KCNQ5: variants seen among roughly 807,000 people sequenced by gnomAD.
The protein encoded by KCNQ5 is potassium voltage-gated channel subfamily Q member 5.
A neutral mutation model predicts 98.2 loss-of-function variants in KCNQ5; 30 were observed. That is an observed-to-expected ratio of 0.31 (90% CI 0.23 to 0.41). The LOEUF is 0.41. Ranked by LOEUF, KCNQ5 falls within the 10% of genes least tolerant of loss-of-function variation. The probability of loss-of-function intolerance (pLI) is 1.00; values close to 1 mark genes in which losing one functional copy is unlikely to be tolerated. For synonymous variants in KCNQ5, 458 were observed against 449.4 expected (o/e 1.02, Z -0.24); for missense variants, 835 against 1,182.5 (o/e 0.71, Z 4.31).
chr6:72,702,207 A>C (rs10484913), intron 1 of KCNQ5, among the ~76,000 whole-genome samples: 19,726 of 152,238 alleles, frequency 0.13, 1,357 homozygotes, highest in South Asian at 0.18. Context: ...CCCTTCCAGA[A>C]TAAATTAACA....
At chr6:72,639,049 G>A (rs957200074) in intron 1 of KCNQ5, among the ~76,000 whole-genome samples, 1 of 152,296 alleles carries the variant, frequency 6.6e-6, no homozygotes, top group Non-Finnish European at 1.5e-5. Context: ...ACAAGCACAA[G>A]TAGACATGTG....
intron 1 of KCNQ5, among the ~76,000 whole-genome samples, chr6:72,789,827 C>A (rs530538909): frequency 6.6e-6 from 1 of 152,124 alleles, no homozygotes. Context: ...AAAAATAGAA[C>A]CCTATATTTG....
intron 5 of KCNQ5, among the ~76,000 whole-genome samples, chr6:73,100,874 T>C (rs1277169828): frequency 6.6e-6 from 1 of 151,976 alleles, no homozygotes; most frequent in Non-Finnish European, 1.5e-5. Flanking sequence ...TACCAATAAA[T>C]TGGAAAACCT....
At chr6:72,657,928 C>T (rs1432074491) in intron 1 of KCNQ5, among the ~76,000 whole-genome samples, 1 of 152,194 alleles carries the variant, frequency 6.6e-6, no homozygotes, top group Non-Finnish European at 1.5e-5. Context: ...GCATTGAGGC[C>T]ACATTAAGAT....
At chr6:73,067,920 T>A (rs3934400) in intron 3 of KCNQ5, among the ~76,000 whole-genome samples, 4 of 150,968 alleles carry the variant, frequency 2.6e-5, no homozygotes, top group African/African-American at 9.8e-5. Flanking sequence ...AAAATTTGTA[T>A]GGAATCTTAC....
chr6:73,177,193 C>T (rs1000798636), intron 11 of KCNQ5, among the ~76,000 whole-genome samples: 9 of 152,100 alleles, frequency 5.9e-5, no homozygotes, highest in African/African-American at 1.9e-4. Context: ...TCTGTGACTT[C>T]GGAGAAAAAT....
At chr6:72,649,604 T>A (rs2154472332) in intron 1 of KCNQ5, among the ~76,000 whole-genome samples, 1 of 152,254 alleles carries the variant, frequency 6.6e-6, no homozygotes, top group South Asian at 2.1e-4. Flanking sequence ...ATATACAGAA[T>A]CTATCTTTGC....
chr6:72,766,293 T>C (rs113433042), intron 1 of KCNQ5, among the ~76,000 whole-genome samples: 52 of 152,044 alleles, frequency 3.4e-4, no homozygotes, highest in African/African-American at 1.3e-3. Flanking sequence ...AGAGTTTAGA[T>C]CTGGAGGCCA....
intron 1 of KCNQ5, among the ~76,000 whole-genome samples, chr6:72,705,723 G>T (rs2154474840): frequency 6.6e-6 from 1 of 151,908 alleles, no homozygotes; most frequent in East Asian, 1.9e-4. Context: ...AAATTTCAAA[G>T]CAATTATCAG....
At chr6:72,898,633 G>A (rs6909225) in intron 1 of KCNQ5, among the ~76,000 whole-genome samples, 42,270 of 152,026 alleles carry the variant, frequency 0.28, 6,235 homozygotes, top group Non-Finnish European at 0.32. Flanking sequence ...TGCAATAAAC[G>A]TAAGTGTGCA....
chr6:72,969,957 G>T (rs576104348), intron 1 of KCNQ5, among the ~76,000 whole-genome samples: 1 of 152,254 alleles, frequency 6.6e-6, no homozygotes, highest in Non-Finnish European at 1.5e-5. Context: ...TAGGACAAAT[G>T]CTATCAAGAA....
At chr6:72,927,307 A>G (rs923753890) in intron 1 of KCNQ5, among the ~76,000 whole-genome samples, 2 of 152,180 alleles carry the variant, frequency 1.3e-5, no homozygotes, top group Non-Finnish European at 1.5e-5. Context: ...TTCAACTATG[A>G]CAAGCTTCAA....
chr6:73,164,973 A>G (rs1284492974), intron 10 of KCNQ5, among the ~76,000 whole-genome samples: 1 of 151,802 alleles, frequency 6.6e-6, no homozygotes, highest in Non-Finnish European at 1.5e-5. Flanking sequence ...TGAATTCTGT[A>G]CTGGGAATCT....
chr6:72,761,762 G>A (rs1772293971), intron 1 of KCNQ5, among the ~76,000 whole-genome samples: 1 of 151,996 alleles, frequency 6.6e-6, no homozygotes, highest in Non-Finnish European at 1.5e-5. Context: ...ACATCTTTAA[G>A]TAAAGATTGA....
At chr6:72,638,434 C>G (rs974918826) in intron 1 of KCNQ5, among the ~76,000 whole-genome samples, 1 of 152,084 alleles carries the variant, frequency 6.6e-6, no homozygotes, top group Non-Finnish European at 1.5e-5. Flanking sequence ...GGCTTCAGGG[C>G]AGGAAGTGGA....
At chr6:73,133,789 T>G (rs1374259432) in intron 10 of KCNQ5, 148 bp downstream of exon 10, 4 of 818,522 alleles carry the variant, frequency 4.9e-6, no homozygotes, top group Non-Finnish European at 8.1e-6. Flanking sequence ...TGGAAGTTTA[T>G]TCATTGCCTT....
chr6:72,634,487 A>G (rs897490361), intron 1 of KCNQ5, among the ~76,000 whole-genome samples: 1 of 152,216 alleles, frequency 6.6e-6, no homozygotes, highest in African/African-American at 2.4e-5. Context: ...TAAAGAAACC[A>G]AAGTACCCTC....
intron 1 of KCNQ5, among the ~76,000 whole-genome samples, chr6:72,719,250 A>G (rs963673126): frequency 6.6e-6 from 1 of 152,196 alleles, no homozygotes; most frequent in African/African-American, 2.4e-5. Flanking sequence ...ATTTTGAAAG[A>G]CTGACAATGC....
At chr6:72,715,793 G>A (rs559149160) in intron 1 of KCNQ5, among the ~76,000 whole-genome samples, 2 of 152,034 alleles carry the variant, frequency 1.3e-5, no homozygotes, top group South Asian at 2.1e-4. Flanking sequence ...ATGATATTCC[G>A]ATACTAACTA....
Sources: allele counts gnomAD v4.1 joint callset (sites outside exome capture counted in the v4.1 genomes callset), GRCh38; gene constraint gnomAD v4.1.1; transcripts MANE v1.5; gene names NCBI Gene and HGNC (gene_info 2026-07-23, HGNC 2026-07-21).